DCDC2C: variants seen among roughly 807,000 people sequenced by gnomAD.
DCDC2C encodes the protein doublecortin domain-containing protein 2C.
DCDC2C carries 44 observed loss-of-function variants against 45.0 expected under a neutral mutation model. The observed-to-expected ratio is 0.98, with a 90% confidence interval of 0.77 to 1.26. The LOEUF is 1.26. DCDC2C is among the 50% of genes most tolerant of loss of function. DCDC2C has a pLI of 0.00. For synonymous variants in DCDC2C, 187 were observed against 178.8 expected (o/e 1.05, Z -0.37); for missense variants, 447 against 468.9 (o/e 0.95, Z 0.43).
At chr2:3,723,120 A>G (rs538397456) in intron 2 of DCDC2C, among the ~76,000 whole-genome samples, 1 of 152,306 alleles carries the variant, frequency 6.6e-6, no homozygotes, top group South Asian at 2.1e-4. Context: ...TAGTCATGGT[A>G]GCATTCACTC....
At chr2:3,807,024 A>C (rs562801322) in intron 10 of DCDC2C, among the ~76,000 whole-genome samples, 1 of 151,442 alleles carries the variant, frequency 6.6e-6, no homozygotes, top group African/African-American at 2.4e-5. Context: ...CCCAGCCAGC[A>C]CCTTGGTTGT....
intron 10 of DCDC2C, among the ~76,000 whole-genome samples, chr2:3,827,911 C>T (rs1230813833): frequency 6.6e-6 from 1 of 152,172 alleles, no homozygotes; most frequent in African/African-American, 2.4e-5. Flanking sequence ...GGTCTCTTCT[C>T]TTTTTGTTAC....
chr2:3,768,256 G>A (rs889401013), intron 7 of DCDC2C, among the ~76,000 whole-genome samples: 9 of 151,940 alleles, frequency 5.9e-5, no homozygotes, highest in African/African-American at 2.2e-4. Flanking sequence ...TGTATTTTTT[G>A]AGTATAAGAA....
At chr2:3,719,675 G>T (rs949795522) in intron 2 of DCDC2C, among the ~76,000 whole-genome samples, 1 of 152,206 alleles carries the variant, frequency 6.6e-6, no homozygotes, top group Non-Finnish European at 1.5e-5. Flanking sequence ...GACACTCCCC[G>T]TGTTCTAAAG....
intron 10 of DCDC2C, among the ~76,000 whole-genome samples, chr2:3,791,184 C>T (rs968254990): frequency 1.3e-5 from 2 of 152,116 alleles, no homozygotes; most frequent in African/African-American, 4.8e-5. Flanking sequence ...CATTTGGACT[C>T]AAATAATAGG....
chr2:3,725,491 CA>C (rs1358052174), intron 2 of DCDC2C, among the ~76,000 whole-genome samples: 45 of 98,722 alleles, frequency 4.6e-4, no homozygotes, highest in Non-Finnish European at 6.2e-4. Flanking sequence ...GGAAGACGAG[CA>C]GAGAGGGAGG....
At chr2:3,716,992 G>A (rs1416516346) in intron 2 of DCDC2C, among the ~76,000 whole-genome samples, 1 of 152,090 alleles carries the variant, frequency 6.6e-6, no homozygotes, top group African/African-American at 2.4e-5. Context: ...ATAGGGGTGA[G>A]GTGGTCCTCT....
intron 2 of DCDC2C, among the ~76,000 whole-genome samples, chr2:3,718,791 CG>C (rs1277505145): frequency 2.0e-5 from 3 of 152,150 alleles, no homozygotes; most frequent in African/African-American, 7.2e-5. Context: ...AATGAAGCCA[CG>C]GACCTTTGCA....
chr2:3,755,739 T>A (rs1669693428), intron 6 of DCDC2C, among the ~76,000 whole-genome samples: 1 of 151,980 alleles, frequency 6.6e-6, no homozygotes, highest in African/African-American at 2.4e-5. Flanking sequence ...TGTATGGATG[T>A]GTGTATGGAT....
chr2:3,844,020 G>T (rs577913931), intron 10 of DCDC2C, among the ~76,000 whole-genome samples: 1 of 152,128 alleles, frequency 6.6e-6, no homozygotes, highest in African/African-American at 2.4e-5. Context: ...TGACTTAGGT[G>T]GCTACTAGAT....
chr2:3,838,974 G>A (rs1672146785), intron 10 of DCDC2C, among the ~76,000 whole-genome samples: 1 of 152,082 alleles, frequency 6.6e-6, no homozygotes, highest in Non-Finnish European at 1.5e-5. Context: ...GATTTTCTAT[G>A]ATGAGCATGT....
intron 10 of DCDC2C, among the ~76,000 whole-genome samples, chr2:3,806,258 C>G (rs1671240677): frequency 6.6e-6 from 1 of 152,214 alleles, no homozygotes; most frequent in South Asian, 2.1e-4. Context: ...TTGTCTTGTT[C>G]TAAACGGCTC....
chr2:3,765,412 TAAG>T (rs1439614524), intron 6 of DCDC2C, among the ~76,000 whole-genome samples: 3 of 152,086 alleles, frequency 2.0e-5, no homozygotes, highest in African/African-American at 4.8e-5. Flanking sequence ...TGAGCTGTCA[TAAG>T]AAGAAGGTGA....
chr2:3,734,479 T>C lies in DCDC2C; in HGVS notation c.416+7400T>C, dbSNP rs1668963794. Among the ~76,000 whole-genome samples, 1 of 151,814 alleles carries C rather than the reference T, an allele frequency of 6.6e-6. No homozygotes were observed. The highest frequency in any genetic ancestry group is 2.4e-5 in the African/African-American group (1 of 41,302). Reference sequence around the variant, plus strand: ...ACTAACCACGGGTAAAGGAAGCAAGTGGAGGGGTTAAGGCTTTGATGGTGT... The same window carrying C: ...ACTAACCACGGGTAAAGGAAGCAAGCGGAGGGGTTAAGGCTTTGATGGTGT... On this transcript the variant is annotated intron_variant, in intron 3 of 10. Coordinates refer to ENST00000399143, the MANE Select transcript of DCDC2C (RefSeq NM_001287444.2). This position sits in a 1 kb window ranked among gnomAD's most constrained non-coding sequence, Gnocchi z 4.2.
chr2:3,760,859 A>G (rs1365334452), intron 6 of DCDC2C, among the ~76,000 whole-genome samples: 1 of 151,836 alleles, frequency 6.6e-6, no homozygotes, highest in Non-Finnish European at 1.5e-5. Context: ...AAAAAAGCCC[A>G]TTTCCCAAGG....
intron 10 of DCDC2C, among the ~76,000 whole-genome samples, chr2:3,794,142 T>C (rs138803471): frequency 1.1e-3 from 168 of 152,322 alleles, no homozygotes; most frequent in African/African-American, 3.6e-3. Context: ...TGCAGCATTT[T>C]ACAACATGAT....
intron 9 of DCDC2C, among the ~76,000 whole-genome samples, chr2:3,780,107 G>C (rs965895363): frequency 2.0e-5 from 3 of 152,158 alleles, no homozygotes; most frequent in Non-Finnish European, 4.4e-5. Context: ...ACTGTCAGAC[G>C]AAGAGCAAAG....
At chr2:3,755,396 CAT>C (rs1669669397) in intron 6 of DCDC2C, among the ~76,000 whole-genome samples, 2 of 148,448 alleles carry the variant, frequency 1.3e-5, no homozygotes, top group East Asian at 3.9e-4. Context: ...TATGAATGCA[CAT>C]ATGTATGTAT....
Position 3,761,086 on chromosome 2 carries a change from C to T in DCDC2C, c.726+6452C>T, listed in dbSNP as rs940973042. The stretch of plus-strand genomic sequence containing the variant: ...GAAAGTAATTGAATGAAGCTACTCT[C>T]ATTATATAGCATTCAGTTTTACGGG... On this transcript the variant is annotated intron_variant, in intron 6 of 10. Coordinates refer to ENST00000399143, the MANE Select transcript of DCDC2C (RefSeq NM_001287444.2). This position sits in a 1 kb window ranked among gnomAD's most constrained non-coding sequence, Gnocchi z 4.3. 1.7e-4 allele frequency among the ~76,000 whole-genome samples: 26 copies of T among 152,322 alleles called. No individual in the cohort carries two copies. The highest frequency in any genetic ancestry group is 5.8e-4 in the African/African-American group (24 of 41,578).
Sources: gnomAD v4.1 joint callset for allele counts (sites outside exome capture counted in the v4.1 genomes callset) on GRCh38, gnomAD v4.1.1 for gene constraint, Gnocchi (gnomAD v3.1) non-coding constraint, MANE v1.5 for transcripts, NCBI Gene and HGNC (gene_info 2026-07-23, HGNC 2026-07-21) for gene names.